Variants in FRMD4B observed in about 807,000 individuals in gnomAD.
The protein encoded by FRMD4B is FERM domain-containing protein 4B.
FRMD4B carries 74 observed loss-of-function variants against 141.5 expected under a neutral mutation model. The ratio of observed to expected loss-of-function variants is 0.52; its 90% CI spans 0.43 to 0.63. FRMD4B has a LOEUF of 0.63. Among genes scored for constraint, FRMD4B ranks in the 30% least tolerant of loss-of-function variants. The pLI, the probability that FRMD4B is intolerant of heterozygous loss-of-function variation, is 0.00. For synonymous variants in FRMD4B, 506 were observed against 467.9 expected (o/e 1.08, Z -1.05); for missense variants, 1,366 against 1,253.4 (o/e 1.09, Z -1.36).
In FRMD4B at chr3:69,221,934, A is replaced by G. The variant is rs112777024; in HGVS notation, c.666-11T>C. Reference sequence around the variant, plus strand: ...ATTACCCTGTCCTCACTGTAAAACAAAGAAATGAGAAGGATTGCAATGCAT... The same window carrying G: ...ATTACCCTGTCCTCACTGTAAAACAGAGAAATGAGAAGGATTGCAATGCAT... On this transcript the variant is annotated splice_polypyrimidine_tract_variant and intron_variant, in intron 8 of 22. Coordinates refer to ENST00000398540, the MANE Select transcript of FRMD4B (RefSeq NM_015123.3). The G allele has an allele frequency of 4.5e-4, 633 of 1,397,644 alleles. 2 individuals are homozygous for G. The African/African-American group carries it at 7.9e-3, about 17-fold the overall frequency. The allele number at this position is 1,397,644 out of a possible 1,614,324, so 86.6% of individuals were successfully genotyped here.
At chr3:69,410,978 A>G (rs1704751655) in intron 2 of FRMD4B, among the ~76,000 whole-genome samples, 1 of 151,996 alleles carries the variant, frequency 6.6e-6, no homozygotes, top group African/African-American at 2.4e-5. Context: ...GCTGTAAGCC[A>G]TAAGGGGTCA....
chr3:69,344,711 C>G (rs1400126616), intron 1 of FRMD4B, among the ~76,000 whole-genome samples: 1 of 152,198 alleles, frequency 6.6e-6, no homozygotes, highest in Non-Finnish European at 1.5e-5. Context: ...TTCTGGACTA[C>G]TGTCCCTCCT....
At chr3:69,364,809 A>G (rs1703590033) in intron 1 of FRMD4B, among the ~76,000 whole-genome samples, 2 of 152,202 alleles carry the variant, frequency 1.3e-5, no homozygotes, top group African/African-American at 4.8e-5. Flanking sequence ...ATCTAAGACA[A>G]AAAAGAAAAA....
intron 7 of FRMD4B, chr3:69,228,367 T>G (rs185708431): frequency 5.5e-5 from 25 of 456,984 alleles, no homozygotes; most frequent in Non-Finnish European, 4.8e-5. Context: ...GAGACAGGCA[T>G]TAGAAAATCA....
intron 4 of FRMD4B, among the ~76,000 whole-genome samples, chr3:69,289,045 C>A (rs569641585): frequency 6.6e-6 from 1 of 152,236 alleles, no homozygotes; most frequent in East Asian, 1.9e-4. Context: ...TTTTTACTTA[C>A]AAGCTTTTAT....
intron 2 of FRMD4B, among the ~76,000 whole-genome samples, chr3:69,396,169 CCAA>C (rs1293073985): frequency 2.0e-5 from 3 of 152,084 alleles, no homozygotes; most frequent in Admixed American, 2.0e-4. Context: ...GGCACAACAC[CCAA>C]CTCTGGCAGC....
At position 69,385,855 on chromosome 3, in the gene FRMD4B, C is replaced by G; in HGVS notation, c.135G>C (p.Thr45=). ...RLRACHQVLR[T]WCGLQDVYQM... ...GGTACACGTCCTGCAGCCCGCACCA[C>G]GTCCGCAGCACCTGGTGGCAAGCCC... The change falls in exon 1 of 23, where the codon ACG becomes ACC. Residue 45 remains threonine, a synonymous_variant. Coordinates refer to ENST00000398540, the MANE Select transcript of FRMD4B (RefSeq NM_015123.3). 1 of 1,596,236 alleles carries G rather than the reference C, an allele frequency of 6.3e-7. No individual in the cohort carries two copies.
chr3:69,360,881 A>G (rs553920992), intron 1 of FRMD4B, among the ~76,000 whole-genome samples: 1 of 152,340 alleles, frequency 6.6e-6, no homozygotes, highest in Non-Finnish European at 1.5e-5. Flanking sequence ...TTAATTAATT[A>G]GAAGTGGCAG....
intron 1 of FRMD4B, among the ~76,000 whole-genome samples, chr3:69,497,687 T>A (rs1706424967): frequency 1.3e-5 from 2 of 152,198 alleles, no homozygotes; most frequent in South Asian, 4.1e-4. Flanking sequence ...CTATAATTTT[T>A]ACCATTACAG....
chr3:69,310,481 T>C (rs1701539973), intron 3 of FRMD4B: 1 of 456,260 alleles, frequency 2.2e-6, no homozygotes, highest in Non-Finnish European at 4.4e-6. Context: ...ATTCCTCTGA[T>C]AATGTATCGG....
At chr3:69,334,131 G>A (rs1702465785) in intron 1 of FRMD4B, 1 of 152,174 alleles carries the variant, frequency 6.6e-6, no homozygotes, top group African/African-American at 2.4e-5. Context: ...CTCAAGGAGA[G>A]GCTCCAGAAG....
At chr3:69,222,497 C>T (rs909593344) in intron 8 of FRMD4B, among the ~76,000 whole-genome samples, 2 of 143,818 alleles carry the variant, frequency 1.4e-5, no homozygotes, top group Non-Finnish European at 3.0e-5. Context: ...AGACTTAAAG[C>T]GCAGTGGCTC....
chr3:69,522,862 GTGGGCCTGGAGA>G (rs1021475296), intron 1 of FRMD4B, among the ~76,000 whole-genome samples: 1 of 152,154 alleles, frequency 6.6e-6, no homozygotes, highest in Non-Finnish European at 1.5e-5. Flanking sequence ...ACATAGCAAG[GTGGGCCTGGAGA>G]TGAGAACCAA....
intron 7 of FRMD4B, among the ~76,000 whole-genome samples, chr3:69,237,247 C>G (rs1323663344): frequency 6.6e-6 from 1 of 152,214 alleles, no homozygotes; most frequent in African/African-American, 2.4e-5. Flanking sequence ...AAGGAAACAC[C>G]CAGCTGGCTG....
intron 1 of FRMD4B, among the ~76,000 whole-genome samples, chr3:69,474,710 A>G (rs1391690560): frequency 6.6e-6 from 1 of 151,570 alleles, no homozygotes; most frequent in Non-Finnish European, 1.5e-5. Context: ...CTTGTGTGCT[A>G]TTACTCATCC....
At chr3:69,477,646 G>T (rs1399314541) in intron 1 of FRMD4B, among the ~76,000 whole-genome samples, 2 of 152,206 alleles carry the variant, frequency 1.3e-5, no homozygotes, top group East Asian at 1.9e-4. Context: ...GTTCATCAAG[G>T]ATATTGGTCT....
At chr3:69,361,236 G>A (rs1353946213) in intron 1 of FRMD4B, among the ~76,000 whole-genome samples, 1 of 152,012 alleles carries the variant, frequency 6.6e-6, no homozygotes, top group Admixed American at 6.6e-5. Flanking sequence ...CAGTTTCCAA[G>A]TCCTTGTGAC....
chr3:69,337,271 G>A (rs1702587529), intron 1 of FRMD4B, among the ~76,000 whole-genome samples: 1 of 152,130 alleles, frequency 6.6e-6, no homozygotes, highest in South Asian at 2.1e-4. Context: ...AGCTGAAACT[G>A]GATCCCTTCC....
At chr3:69,406,836 C>G (rs1172424576) in intron 2 of FRMD4B, among the ~76,000 whole-genome samples, 1 of 151,708 alleles carries the variant, frequency 6.6e-6, no homozygotes, top group Non-Finnish European at 1.5e-5. Flanking sequence ...GGCTTAAGCA[C>G]TCCTCCTGCC....
Sources: gnomAD v4.1 joint callset for allele counts (sites outside exome capture counted in the v4.1 genomes callset) on GRCh38, gnomAD v4.1.1 for gene constraint, MANE v1.5 for transcripts, NCBI Gene and HGNC (gene_info 2026-07-23, HGNC 2026-07-21) for gene names.